ZNF532: variants seen among roughly 807,000 people sequenced by gnomAD.
ZNF532 encodes zinc finger protein 532.
A neutral mutation model predicts 89.3 loss-of-function variants in ZNF532; 22 were observed. The ratio of observed to expected loss-of-function variants is 0.25; its 90% confidence interval spans 0.18 to 0.35. The LOEUF (loss-of-function observed/expected upper bound fraction) is 0.35. Ranked by LOEUF, ZNF532 falls within the 10% of genes least tolerant of loss-of-function variation. The probability of loss-of-function intolerance (pLI) is 1.00; values close to 1 mark genes in which losing one functional copy is unlikely to be tolerated. For synonymous variants in ZNF532, 606 were observed against 649.6 expected, an observed-to-expected ratio of 0.93 and a Z score of 1.02; for missense variants, 1,132 against 1,643.4, an observed-to-expected ratio of 0.69 and a Z score of 5.38.
At position 58,919,430 on chromosome 18, in the gene ZNF532, G is replaced by C. The variant is rs1474360447; in HGVS notation, c.1143G>C (p.Leu381Phe). Residue 381 changes from leucine to phenylalanine, a missense_variant, in exon 3 of 10, where the codon TTG becomes TTC. Physicochemically the swap from Leu to Phe is conservative, Grantham distance 22. Transcript: ENST00000591808. This position sits in a 1 kb window ranked among gnomAD's most constrained non-coding sequence, Gnocchi z 6.1. ...TCAAGAGAACAGTGACCAGGGTATTGCCAGAAGTGGATCTTGACTCTGGAA... is the reference window on the plus strand; with the variant it reads ...TCAAGAGAACAGTGACCAGGGTATTCCCAGAAGTGGATCTTGACTCTGGAA... ...GEIKRTVTRV[L>F]PEVDLDSGKK... 6.2e-7 allele frequency: 1 copy of C among 1,614,232 alleles called. No homozygotes were observed.
In ZNF532 at chr18:58,984,439, C is replaced by A; in HGVS notation, c.3879C>A (p.Ser1293=). 1 of 1,609,642 alleles carries A rather than the reference C, an allele frequency of 6.2e-7. No individual in the cohort carries two copies. The highest frequency in any genetic ancestry group is 8.5e-7 in the Non-Finnish European group (1 of 1,177,804). ...CACACGGCATGGCCTTCATCAAATC[C>A]AAAAGGATGAGCTCAGCCGAGAAAT... ...MRTHGMAFIK[S]KRMSSAEK The change falls in exon 10 of 10, where the codon TCC becomes TCA. Residue 1293 remains serine (S), a synonymous_variant. Coordinates refer to ENST00000591808, the MANE Select transcript of ZNF532 (RefSeq NM_001375912.1).
chr18:58,878,713 G>C (rs1330456388), intron 2 of ZNF532, among the ~76,000 whole-genome samples: 1 of 152,228 alleles, frequency 6.6e-6, no homozygotes, highest in African/African-American at 2.4e-5. Context: ...AGACTAGATT[G>C]TTTAGAGTTT....
At chr18:58,889,812 C>A (rs1387587490) in intron 2 of ZNF532, among the ~76,000 whole-genome samples, 1 of 133,138 alleles carries the variant, frequency 7.5e-6, no homozygotes, top group Non-Finnish European at 1.6e-5. Context: ...TGGCTAGGCG[C>A]GGTGGCTCAC....
intron 3 of ZNF532, among the ~76,000 whole-genome samples, chr18:58,923,735 G>A (rs1478317450): frequency 6.6e-6 from 1 of 152,174 alleles, no homozygotes; most frequent in African/African-American, 2.4e-5. Flanking sequence ...CACAGAACTT[G>A]GTTTCTGTCT....
chr18:58,897,670 TG>T (rs1177244916), intron 2 of ZNF532, among the ~76,000 whole-genome samples: 3 of 152,160 alleles, frequency 2.0e-5, no homozygotes, highest in African/African-American at 7.2e-5. Flanking sequence ...AAGTTAAGAT[TG>T]GCTGGGCGCG....
rs748201829 is a variant in ZNF532, at chr18:58,934,522, C to T, written c.2436C>T (p.Thr812=). The change falls in exon 4 of 10, where the codon ACC becomes ACT. Residue 812 remains threonine (T), a synonymous_variant. Transcript: ENST00000591808. ...QRIHQHKSPY[T]CPECGAICRS... ...TCCATCAGCACAAATCTCCCTACAC[C>T]TGCCCTGAGTGTGGGGCCATCTGCA... is the stretch of plus-strand genomic sequence containing the variant. 3.1e-6 allele frequency: 5 copies of T among 1,614,018 alleles called. No individual in the cohort carries two copies. In the East Asian group the frequency reaches 1.1e-4, roughly 36 times the overall value.
At chr18:58,901,156 C>G (rs909316047) in intron 2 of ZNF532, among the ~76,000 whole-genome samples, 1 of 152,188 alleles carries the variant, frequency 6.6e-6, no homozygotes, top group Non-Finnish European at 1.5e-5. Flanking sequence ...CTTCTTATGC[C>G]CTTGTTTAAT....
chr18:58,873,865 A>G (rs1568211925), intron 2 of ZNF532, among the ~76,000 whole-genome samples: 1 of 152,190 alleles, frequency 6.6e-6, no homozygotes, highest in Non-Finnish European at 1.5e-5. Flanking sequence ...CAATGATATA[A>G]ACCTGATTGC....
At chr18:58,898,468 A>G (rs1041014769) in intron 2 of ZNF532, among the ~76,000 whole-genome samples, 5 of 152,186 alleles carry the variant, frequency 3.3e-5, no homozygotes, top group Non-Finnish European at 2.9e-5. Context: ...GTTCAAATCT[A>G]CCTCTGTCTA....
At chr18:58,884,134 T>A (rs955562573) in intron 2 of ZNF532, among the ~76,000 whole-genome samples, 2 of 152,262 alleles carry the variant, frequency 1.3e-5, no homozygotes, top group Non-Finnish European at 2.9e-5. Context: ...ATCCCAGCAC[T>A]TTGGGAGGCC....
chr18:58,963,293 AC>A (rs2065549783), intron 7 of ZNF532, among the ~76,000 whole-genome samples: 1 of 152,182 alleles, frequency 6.6e-6, no homozygotes, highest in Admixed American at 6.5e-5. Flanking sequence ...CATTTTCCAT[AC>A]AGGGTGCAGG....
chr18:58,880,742 C>T (rs1346262698), intron 2 of ZNF532, among the ~76,000 whole-genome samples: 9 of 89,178 alleles, frequency 1.0e-4, no homozygotes, highest in Admixed American at 2.3e-4. Flanking sequence ...ATATTTGAGC[C>T]CTCTCATAGG....
intron 2 of ZNF532, among the ~76,000 whole-genome samples, chr18:58,895,758 T>C (rs1035249959): frequency 6.6e-6 from 1 of 152,224 alleles, no homozygotes; most frequent in African/African-American, 2.4e-5. Context: ...GCTAGCCTGT[T>C]GCTGGTATTT....
intron 7 of ZNF532, among the ~76,000 whole-genome samples, chr18:58,960,462 G>A (rs541964683): frequency 4.6e-5 from 7 of 152,288 alleles, no homozygotes; most frequent in South Asian, 2.1e-4. Flanking sequence ...GGATAGATTC[G>A]GAAGATTTCA....
chr18:58,940,278 T>A (rs2062874532), intron 5 of ZNF532: 1 of 152,192 alleles, frequency 6.6e-6, no homozygotes, highest in Non-Finnish European at 1.5e-5. Context: ...TCCTTTTTTA[T>A]AGGGTACACT....
At chr18:58,908,131 C>T (rs2060049469) in intron 2 of ZNF532, among the ~76,000 whole-genome samples, 1 of 152,218 alleles carries the variant, frequency 6.6e-6, no homozygotes, top group African/African-American at 2.4e-5. Flanking sequence ...CTCTAAATAT[C>T]AGTAGCCCCT....
In ZNF532 at chr18:58,919,004, C is replaced by G; in HGVS notation, c.717C>G (p.Val239=). The change falls in exon 3 of 10, where the codon GTC becomes GTG. Residue 239 remains valine, a synonymous_variant. Transcript: ENST00000591808. The surrounding 1 kb of genome is among the most constrained non-coding windows in gnomAD (Gnocchi z 6.1). ...ESSDKVLENR[V]LDGKLSSEKN... The stretch of plus-strand genomic sequence containing the variant: ...CTGACAAGGTGCTGGAAAACAGAGT[C>G]CTAGATGGGAAGCTGAGCTCCGAGA... 3 of 1,613,474 alleles carry G rather than the reference C, an allele frequency of 1.9e-6. No individual in the cohort carries two copies. The highest frequency in any genetic ancestry group is 3.3e-5 in the Admixed American group (2 of 60,020).
At chr18:58,954,998 G>C (rs968154595) in intron 7 of ZNF532, among the ~76,000 whole-genome samples, 2 of 152,194 alleles carry the variant, frequency 1.3e-5, no homozygotes, top group Non-Finnish European at 2.9e-5. Flanking sequence ...ACAGGCGTGA[G>C]CCACTGTGCC....
At chr18:58,883,841 C>T (rs2058093121) in intron 2 of ZNF532, among the ~76,000 whole-genome samples, 1 of 152,152 alleles carries the variant, frequency 6.6e-6, no homozygotes, top group African/African-American at 2.4e-5. Context: ...GGTGATAGGT[C>T]ATCCCAGTGG....
Sources: allele counts gnomAD v4.1 joint callset (sites outside exome capture counted in the v4.1 genomes callset), GRCh38; gene constraint gnomAD v4.1.1; non-coding constraint Gnocchi (gnomAD v3.1); transcripts MANE v1.5; gene names NCBI Gene and HGNC (gene_info 2026-07-23, HGNC 2026-07-21).